Variants in ZNF385C observed in about 807,000 individuals in gnomAD.
ZNF385C encodes the protein CTD-2132N18.2.
ZNF385C carries 28 observed loss-of-function variants against 35.4 expected under a neutral mutation model. That is an observed-to-expected ratio of 0.79 (90% confidence interval 0.59 to 1.08). The LOEUF is 1.08. Ranked by LOEUF, ZNF385C falls within the 50% of genes least tolerant of loss-of-function variation. ZNF385C has a pLI of 0.00. For synonymous variants in ZNF385C, 248 were observed against 248.2 expected (o/e 1.00, Z 0.01); for missense variants, 605 against 595.6 (o/e 1.02, Z -0.16).
intron 2 of ZNF385C, chr17:42,040,040 T>TA (rs2052974989): frequency 1.6e-6 from 2 of 1,231,008 alleles, no homozygotes; most frequent in Admixed American, 4.2e-5. Context: ...ACTACGCGCT[T>TA]AAACAGCGCG....
chr17:42,052,430 C>A (rs2053300463), intron 2 of ZNF385C, among the ~76,000 whole-genome samples: 1 of 152,064 alleles, frequency 6.6e-6, no homozygotes, highest in African/African-American at 2.4e-5. Context: ...CACATACATA[C>A]ATACCTCCCC....
chr17:42,033,063 C>T (rs782482462), intron 4 of ZNF385C, among the ~76,000 whole-genome samples: 1 of 152,192 alleles, frequency 6.6e-6, no homozygotes, highest in Non-Finnish European at 1.5e-5. Flanking sequence ...ACCAGAAGGC[C>T]TGAAGGGAAT....
At chr17:42,079,197 A>AT (rs1234742326) in intron 1 of ZNF385C, among the ~76,000 whole-genome samples, 3 of 135,230 alleles carry the variant, frequency 2.2e-5, no homozygotes, top group Admixed American at 7.6e-5. Flanking sequence ...CAAAAAAAAA[A>AT]AAAAAAATAT....
Position 42,027,108 on chromosome 17 carries a change from A to T in ZNF385C, c.1301T>A (p.Leu434His). 1.2e-6 allele frequency: 2 copies of T among 1,613,340 alleles called. No homozygotes were observed. The highest frequency in any genetic ancestry group is 1.7e-6 in the Non-Finnish European group (2 of 1,179,752). Residue 434 changes from leucine to histidine, a missense_variant, in exon 9 of 9, where the codon CTC (leucine) becomes CAC (histidine). Physicochemically the swap from Leu to His is moderately conservative, Grantham distance 99 (BLOSUM62 -3). Coordinates refer to ENST00000692273, the MANE Select transcript of ZNF385C (RefSeq NM_001392013.1). ...GAAGCGGGCTGCCAACGTCTTGGTG[A>T]GTTGCTTCTGCAAGGCCAGTTTAGA... ...LKSKLALQKQ[L>H]TKTLAARFLP...
intron 2 of ZNF385C, among the ~76,000 whole-genome samples, chr17:42,057,548 A>G (rs1263696753): frequency 1.1e-5 from 1 of 91,324 alleles, no homozygotes. Flanking sequence ...GTGATGGTCC[A>G]TAGGGTCATG....
intron 1 of ZNF385C, among the ~76,000 whole-genome samples, chr17:42,075,689 T>C (rs1202628352): frequency 6.6e-6 from 1 of 151,990 alleles, no homozygotes; most frequent in African/African-American, 2.4e-5. Context: ...AGAGACAGGG[T>C]TTCACCGTGT....
intron 4 of ZNF385C, 58 bp from the exon 5 acceptor site, chr17:42,031,842 G>C (rs1239195934): frequency 1.3e-6 from 2 of 1,526,890 alleles, no homozygotes; most frequent in Non-Finnish European, 1.8e-6. Context: ...TGCCCCATCT[G>C]TGAACTGGAG....
At chr17:42,073,295 G>A (rs1349478621) in intron 1 of ZNF385C, among the ~76,000 whole-genome samples, 1 of 151,990 alleles carries the variant, frequency 6.6e-6, no homozygotes, top group Admixed American at 6.6e-5. Flanking sequence ...AATTAGCCGG[G>A]GGTAGTGGCA....
chr17:42,068,112 G>A (rs929307990), intron 1 of ZNF385C, among the ~76,000 whole-genome samples: 2 of 152,126 alleles, frequency 1.3e-5, no homozygotes, highest in South Asian at 4.1e-4. Flanking sequence ...GTTCCCTTAG[G>A]AGCCACACTG....
At chr17:42,076,199 G>T (rs782388168) in intron 1 of ZNF385C, among the ~76,000 whole-genome samples, 1 of 152,148 alleles carries the variant, frequency 6.6e-6, no homozygotes, top group Non-Finnish European at 1.5e-5. Context: ...AACTCTGCAC[G>T]CAGGCAAAAC....
intron 2 of ZNF385C, among the ~76,000 whole-genome samples, chr17:42,057,493 G>GGTGTGTGTGTGTGTGTGT (rs1347050904): frequency 2.1e-5 from 1 of 48,454 alleles, no homozygotes; most frequent in Non-Finnish European, 5.3e-5. Context: ...GTTATTTAGG[G>GGTGTGTGTGTGTGTGTGT]GTGTGCGCGC....
At chr17:42,042,944 T>G (rs2053059581) in intron 2 of ZNF385C, 6 of 1,232,476 alleles carry the variant, frequency 4.9e-6, no homozygotes, top group Non-Finnish European at 6.1e-6. Context: ...CAGCGGTCAT[T>G]GGGCACATCC....
chr17:42,027,870 C>G (rs1218899193), intron 7 of ZNF385C, 142 bp from the exon 8 acceptor site: 1 of 1,212,182 alleles, frequency 8.2e-7, no homozygotes, highest in African/African-American at 1.5e-5. Context: ...GGGGTAGGCC[C>G]TGGGAAGGGG....
intron 1 of ZNF385C, among the ~76,000 whole-genome samples, chr17:42,085,525 A>G (rs1264513520): frequency 6.6e-6 from 1 of 151,036 alleles, no homozygotes; most frequent in African/African-American, 2.4e-5. Flanking sequence ...AGTTCAGGCA[A>G]TCTGCCCGCC....
intron 1 of ZNF385C, among the ~76,000 whole-genome samples, chr17:42,086,034 C>T (rs1039066167): frequency 2.0e-5 from 3 of 152,186 alleles, no homozygotes; most frequent in Admixed American, 1.3e-4. Context: ...TGCCATTGCA[C>T]TCCAGCCTGG....
chr17:42,098,221 C>T (rs2053936933), intron 1 of ZNF385C, among the ~76,000 whole-genome samples, 189 bp downstream of exon 1: 1 of 152,240 alleles, frequency 6.6e-6, no homozygotes, highest in South Asian at 2.1e-4. Flanking sequence ...CCTCTAACTG[C>T]CCCAGAGTTC....
chr17:42,062,656 G>C, intron 2 of ZNF385C, 151 bp downstream of exon 2: 1 of 404,674 alleles, frequency 2.5e-6, no homozygotes, highest in Non-Finnish European at 4.3e-6. Flanking sequence ...CTGGCATCGG[G>C]GAGGCTTCAG....
intron 1 of ZNF385C, among the ~76,000 whole-genome samples, chr17:42,072,434 C>G (rs2053637784): frequency 6.6e-6 from 1 of 152,216 alleles, no homozygotes; most frequent in Non-Finnish European, 1.5e-5. Flanking sequence ...GCCGCTGCCC[C>G]CAGCCCTGCA....
At chr17:42,034,111 G>C in intron 4 of ZNF385C, 114 bp downstream of exon 4, 1 of 846,960 alleles carries the variant, frequency 1.2e-6, no homozygotes, top group Non-Finnish European at 1.9e-6. Flanking sequence ...GGAAAATACC[G>C]ACCACAGCCC....
Sources: allele counts gnomAD v4.1 joint callset (sites outside exome capture counted in the v4.1 genomes callset), GRCh38; gene constraint gnomAD v4.1.1; transcripts MANE v1.5; gene names NCBI Gene and HGNC (gene_info 2026-07-23, HGNC 2026-07-21).